The following KIRREL3 variants were observed in gnomAD, a reference collection of about 807,000 sequenced individuals.
KIRREL3 encodes the protein kin of IRRE-like protein 3.
KIRREL3 carries 36 observed loss-of-function variants against 89.7 expected under a neutral mutation model. The ratio of observed to expected loss-of-function variants is 0.40; its 90% confidence interval spans 0.31 to 0.53. The LOEUF is 0.53. KIRREL3 is among the 20% of genes least tolerant of loss of function. The pLI, the probability that KIRREL3 is intolerant of heterozygous loss-of-function variation, is 0.49. For synonymous variants in KIRREL3, 445 were observed against 441.4 expected (o/e 1.01, Z -0.10); for missense variants, 864 against 1,056.6 (o/e 0.82, Z 2.53).
In KIRREL3 at chr11:126,778,653, C is replaced by T. The variant is rs1344926621; in HGVS notation, c.56-215741G>A. Among the ~76,000 whole-genome samples the T allele has an allele frequency of 1.3e-5, 2 of 152,162 alleles. No individual in the cohort carries two copies. Among genetic ancestry groups the T allele is most frequent in the Admixed American group, 6.5e-5 (1 of 15,268 alleles). ...GAACACAAAAATGCATATGGTACAGCTTTTGAATGGTGTGATCACATGGCT... is the reference window on the plus strand; with the variant it reads ...GAACACAAAAATGCATATGGTACAGTTTTTGAATGGTGTGATCACATGGCT... On this transcript the variant is annotated intron_variant, in intron 1 of 16. Coordinates refer to ENST00000525144, the MANE Select transcript of KIRREL3 (RefSeq NM_032531.4). The surrounding 1 kb of genome is among the most constrained non-coding windows in gnomAD (Gnocchi z 4.5).
At chr11:126,510,432 C>CCTTCCTTCCTTCCTTCCTTCCTTCCTTT (rs1239998942) in intron 4 of KIRREL3, among the ~76,000 whole-genome samples, 1 of 145,040 alleles carries the variant, frequency 6.9e-6, no homozygotes, top group Non-Finnish European at 1.5e-5. Context: ...TTCCTTCCTT[C>CCTTCCTTCCTTCCTTCCTTCCTTCCTTT]CTTCCTTCCT....
chr11:126,464,703 G>T (rs1956663352), intron 5 of KIRREL3, among the ~76,000 whole-genome samples: 1 of 152,196 alleles, frequency 6.6e-6, no homozygotes. Flanking sequence ...GCCAAGGAAT[G>T]CCAGGAGCTG....
intron 4 of KIRREL3, 41 bp from the exon 5 acceptor site, chr11:126,473,507 C>T: frequency 1.3e-6 from 2 of 1,493,380 alleles, no homozygotes; most frequent in East Asian, 2.4e-5. Context: ...GAGGCTCCCA[C>T]CTCGGGCAGG....
rs553087096 is a variant in KIRREL3, at chr11:126,779,406, T to C, written c.56-216494A>G. On this transcript the variant is annotated intron_variant, in intron 1 of 16. Coordinates refer to ENST00000525144, the MANE Select transcript of KIRREL3 (RefSeq NM_032531.4). Reference sequence around the variant, plus strand: ...GAAACCTGTTGTCTCCCTTCCTCCCTTGTTTGTTTGCAGAATTGCCTCCTG... The same window carrying C: ...GAAACCTGTTGTCTCCCTTCCTCCCCTGTTTGTTTGCAGAATTGCCTCCTG... Among the ~76,000 whole-genome samples, 37 of 152,276 alleles carry C rather than the reference T, an allele frequency of 2.4e-4. No individual in the cohort carries two copies. In the South Asian group the frequency reaches 7.1e-3, roughly 29 times the overall value.
chr11:126,424,612 G>T lies in KIRREL3; in HGVS notation c.2305C>A (p.Pro769Thr). ...SSSQNSDPSR[P>T]LQRRMQTHV ...TGAGTCTGCATCCGCCGCTGCAGGG[G>T]TCGACTGGGGTCAGAGTTCTGGGAC... Residue 769 changes from proline to threonine, a missense_variant, in exon 17 of 17, where the codon CCC becomes ACC. Pro to Thr is a conservative substitution (Grantham distance 38, BLOSUM62 -1). Coordinates refer to ENST00000525144, the MANE Select transcript of KIRREL3 (RefSeq NM_032531.4). 1 of 1,614,054 alleles carries T rather than the reference G, an allele frequency of 6.2e-7. No individual in the cohort carries two copies. Among genetic ancestry groups the T allele is most frequent in the South Asian group, 1.1e-5 (1 of 91,088 alleles).
At chr11:126,479,996 C>T (rs1255343496) in intron 4 of KIRREL3, among the ~76,000 whole-genome samples, 1 of 152,170 alleles carries the variant, frequency 6.6e-6, no homozygotes, top group Non-Finnish European at 1.5e-5. Flanking sequence ...TGGGCATCCC[C>T]TGACTCACTA....
rs1444341795 is a variant in KIRREL3 at position 126,575,204 on chromosome 11, G to C, written c.56-12292C>G. ...AAGCCCGGGGAGTAGGAAGTTCTATGCTACCCTGGCTTGAAGCTTTGGACA... is the reference window on the plus strand; with the variant it reads ...AAGCCCGGGGAGTAGGAAGTTCTATCCTACCCTGGCTTGAAGCTTTGGACA... On this transcript the variant is annotated intron_variant, in intron 1 of 16. Coordinates refer to ENST00000525144, the MANE Select transcript of KIRREL3 (RefSeq NM_032531.4). This position sits in a 1 kb window ranked among gnomAD's most constrained non-coding sequence, Gnocchi z 7.0. 1.4e-4 allele frequency among the ~76,000 whole-genome samples: 21 copies of C among 152,206 alleles called. No individual in the cohort carries two copies. The highest frequency in any genetic ancestry group is 1.4e-3 in the Admixed American group (21 of 15,282).
rs1287272905 is a variant in KIRREL3, at chr11:126,579,081, A to G, written c.56-16169T>C. ...GTCCGTGTGCTGCCTCCGAGAAGCCATGGCCAAGAAAGGTCTTTGCACCAG... is the reference window on the plus strand; with the variant it reads ...GTCCGTGTGCTGCCTCCGAGAAGCCGTGGCCAAGAAAGGTCTTTGCACCAG... On this transcript the variant is annotated intron_variant, in intron 1 of 16. Coordinates refer to ENST00000525144, the MANE Select transcript of KIRREL3 (RefSeq NM_032531.4). This position sits in a 1 kb window ranked among gnomAD's most constrained non-coding sequence, Gnocchi z 5.3. Among the ~76,000 whole-genome samples, 1 of 151,996 alleles carries G rather than the reference A, an allele frequency of 6.6e-6. No homozygotes were observed. Among genetic ancestry groups the G allele is most frequent in the African/African-American group, 2.4e-5 (1 of 41,380 alleles).
intron 5 of KIRREL3, among the ~76,000 whole-genome samples, chr11:126,468,059 AGACACAGACAC>A (rs1956780857): frequency 6.6e-6 from 1 of 152,202 alleles, no homozygotes; most frequent in Admixed American, 6.5e-5. Context: ...GGCTCCAAGC[AGACACAGACAC>A]GACTGTGCGT....
Position 126,677,705 on chromosome 11 carries a change from C to T in KIRREL3, c.56-114793G>A, listed in dbSNP as rs765294272. Among the ~76,000 whole-genome samples the T allele has an allele frequency of 8.5e-5, 13 of 152,132 alleles. No individual in the cohort carries two copies. Among genetic ancestry groups the T allele is most frequent in the Non-Finnish European group, 1.6e-4 (11 of 68,016 alleles). On this transcript the variant is annotated intron_variant, in intron 1 of 16. Coordinates refer to ENST00000525144, the MANE Select transcript of KIRREL3 (RefSeq NM_032531.4). The surrounding 1 kb of genome is among the most constrained non-coding windows in gnomAD (Gnocchi z 5.1). ...AGCAGCTCGCACGAGTGGGTCCTCC[C>T]AGAATGAGTCCAGGGGAGCCCCCTG...
intron 2 of KIRREL3, among the ~76,000 whole-genome samples, chr11:126,539,998 G>T (rs1455505638): frequency 6.6e-6 from 1 of 152,176 alleles, no homozygotes; most frequent in Non-Finnish European, 1.5e-5. Flanking sequence ...TCTTGTTGAG[G>T]TTTGCACAGG....
Position 126,855,523 on chromosome 11 carries a change from T to C in KIRREL3, c.55+144932A>G, listed in dbSNP as rs186173054. 4.6e-5 allele frequency among the ~76,000 whole-genome samples: 7 copies of C among 152,348 alleles called. No homozygotes were observed. In the East Asian group the frequency reaches 1.3e-3, roughly 29 times the overall value. On this transcript the variant is annotated intron_variant, in intron 1 of 16. Coordinates refer to ENST00000525144, the MANE Select transcript of KIRREL3 (RefSeq NM_032531.4). ...AGTCTCAGGTGGTTCTTTATAGCAA[T>C]GTGAGAATGAACTAATACACTTATT...
chr11:126,455,531 G>C lies in KIRREL3; in HGVS notation c.848+818C>G, dbSNP rs770561984. 7.8e-4 allele frequency among the ~76,000 whole-genome samples: 118 copies of C among 152,188 alleles called. 1 individual carries two copies. In the Middle Eastern group the frequency reaches 0.044, roughly 57 times the overall value. ...TGGCCGGGTGCGGTGGCTCATGCCT[G>C]TAATCCCAGCACTTTGGGAGGCTGA... On this transcript the variant is annotated intron_variant, in intron 7 of 16. Transcript: ENST00000525144. The surrounding 1 kb of genome is among the most constrained non-coding windows in gnomAD (Gnocchi z 6.4).
At chr11:126,674,898 G>A (rs1052912789) in intron 1 of KIRREL3, among the ~76,000 whole-genome samples, 16 of 152,198 alleles carry the variant, frequency 1.1e-4, no homozygotes, top group Non-Finnish European at 5.9e-5. Flanking sequence ...ATGGCGTAGT[G>A]AGTTTTATTT....
At chr11:126,596,038 G>A (rs1194557956) in intron 1 of KIRREL3, among the ~76,000 whole-genome samples, 1 of 152,158 alleles carries the variant, frequency 6.6e-6, no homozygotes, top group African/African-American at 2.4e-5. Flanking sequence ...TTGGCCCCTA[G>A]GAAGGCAGGA....
chr11:126,762,366 C>T (rs1949691438), intron 1 of KIRREL3, among the ~76,000 whole-genome samples: 1 of 152,086 alleles, frequency 6.6e-6, no homozygotes, highest in Admixed American at 6.5e-5. Flanking sequence ...AGAACTAGTG[C>T]CAACTGAGAC....
At chr11:126,986,679 G>A (rs1347853640) in intron 1 of KIRREL3, among the ~76,000 whole-genome samples, 2 of 152,174 alleles carry the variant, frequency 1.3e-5, no homozygotes, top group Admixed American at 6.5e-5. Context: ...TGTCAGTGAC[G>A]GATTGGCATA....
At position 126,775,254 on chromosome 11, in the gene KIRREL3, A is replaced by T. The variant is rs1426190115; in HGVS notation, c.56-212342T>A. On this transcript the variant is annotated intron_variant, in intron 1 of 16. Transcript: ENST00000525144. ...ATATGCTCACTTAAGGAGTTGATCGATTTAAAAAATTCAGGTAGAGGCATT... is the reference window on the plus strand; with the variant it reads ...ATATGCTCACTTAAGGAGTTGATCGTTTTAAAAAATTCAGGTAGAGGCATT... 2.0e-5 allele frequency among the ~76,000 whole-genome samples: 3 copies of T among 152,188 alleles called. No homozygotes were observed. In the East Asian group the frequency reaches 5.8e-4, roughly 29 times the overall value.
In KIRREL3 at chr11:126,640,362, G is replaced by GCGCA. The variant is rs975954740; in HGVS notation, c.56-77451_56-77450insTGCG. 2.0e-5 allele frequency among the ~76,000 whole-genome samples: 3 copies of GCGCA among 151,692 alleles called. No homozygotes were observed. The highest frequency in any genetic ancestry group is 4.4e-5 in the Non-Finnish European group (3 of 67,850). ...CACACACAGACGCGCGTGTGCGCGC[G>GCGCA]CACACACACGCACACGCGCACACAC... On this transcript the variant is annotated intron_variant, in intron 1 of 16. Coordinates refer to ENST00000525144, the MANE Select transcript of KIRREL3 (RefSeq NM_032531.4). The surrounding 1 kb of genome is among the most constrained non-coding windows in gnomAD (Gnocchi z 4.9).
Sources: gnomAD v4.1 joint callset for allele counts (sites outside exome capture counted in the v4.1 genomes callset) on GRCh38, gnomAD v4.1.1 for gene constraint, Gnocchi (gnomAD v3.1) non-coding constraint, MANE v1.5 for transcripts, NCBI Gene and HGNC (gene_info 2026-07-23, HGNC 2026-07-21) for gene names.